The following CWH43 variants were observed in gnomAD, a reference collection of about 807,000 sequenced individuals.
CWH43 encodes the protein cell wall biogenesis 43 C-terminal homolog, also known as PGAP2-interacting protein.
A neutral mutation model predicts 85.7 loss-of-function variants in CWH43; 91 were observed. The observed-to-expected ratio is 1.06, with a 90% confidence interval of 0.90 to 1.26. The LOEUF (loss-of-function observed/expected upper bound fraction) is 1.26. Among genes scored for constraint, CWH43 ranks in the 50% most tolerant of loss-of-function variants. The probability of loss-of-function intolerance (pLI) is 0.00; values close to 1 mark genes in which losing one functional copy is unlikely to be tolerated. For synonymous variants in CWH43, 323 were observed against 293.6 expected (o/e 1.10, Z -1.02); for missense variants, 869 against 839.2 (o/e 1.04, Z -0.44).
chr4:48,988,602 A>G lies in CWH43; in HGVS notation c.169A>G (p.Ile57Val), dbSNP rs2109736480. The G allele has an allele frequency of 2.5e-6, 4 of 1,613,532 alleles. No homozygotes were observed. Among genetic ancestry groups the G allele is most frequent in the Non-Finnish European group, 3.4e-6 (4 of 1,179,584 alleles). ...ATTTCTTTCTCCAATATTCCTAACAATTACTCCTTTCTGGAAATTGGTTAA... is the reference window on the plus strand; with the variant it reads ...ATTTCTTTCTCCAATATTCCTAACAGTTACTCCTTTCTGGAAATTGGTTAA... ...IAFLSPIFLT[I>V]TPFWKLVNKK... Residue 57 changes from isoleucine to valine, a missense_variant, in exon 2 of 16, where the codon ATT becomes GTT. By Grantham distance (29) the Ile-to-Val change is conservative (BLOSUM62 3). Around this residue, in one of 3 missense-constraint regions of CWH43, gnomAD observed 140 missense variants for 122.6 expected, o/e 1.14. Coordinates refer to ENST00000226432, the MANE Select transcript of CWH43 (RefSeq NM_025087.3).
intron 13 of CWH43, among the ~76,000 whole-genome samples, chr4:49,042,939 TGGG>T (rs1784509602): frequency 1.3e-5 from 2 of 152,296 alleles, no homozygotes; most frequent in South Asian, 4.1e-4. Flanking sequence ...TGTTCTTGCC[TGGG>T]TTCTCCTATG....
chr4:49,046,247 T>G (rs1481679849), intron 14 of CWH43, among the ~76,000 whole-genome samples: 1 of 152,172 alleles, frequency 6.6e-6, no homozygotes, highest in Non-Finnish European at 1.5e-5. Flanking sequence ...AAATCAGTTT[T>G]GAAGGCAGTA....
At position 49,052,050 on chromosome 4, in the gene CWH43, A is replaced by G. The variant is rs542347538; in HGVS notation, c.2021+1201A>G. Among the ~76,000 whole-genome samples, 62 of 152,344 alleles carry G rather than the reference A, an allele frequency of 4.1e-4. No individual in the cohort carries two copies. In the South Asian group the frequency reaches 0.013, roughly 31 times the overall value. ...ATTTCTACCGCTTTTACCAGCTAAT[A>G]AACATTTCTCATTTTTTTGGGGGAA... On this transcript the variant is annotated intron_variant, in intron 15 of 15. Transcript: ENST00000226432.
At chr4:49,016,907 G>A in intron 8 of CWH43, 1 of 784,670 alleles carries the variant, frequency 1.3e-6, no homozygotes, top group Admixed American at 1.7e-5. Context: ...TGCAGTCTTT[G>A]ATTATGCCAG....
At chr4:48,991,817 T>C in intron 3 of CWH43, 119 bp from the exon 4 acceptor site, 1 of 963,570 alleles carries the variant, frequency 1.0e-6, no homozygotes, top group Non-Finnish European at 1.5e-6. Context: ...ATCACATTCA[T>C]TATTGCAAAT....
At chr4:49,015,881 T>C (rs1783527387) in intron 8 of CWH43, among the ~76,000 whole-genome samples, 1 of 152,206 alleles carries the variant, frequency 6.6e-6, no homozygotes, top group African/African-American at 2.4e-5. Flanking sequence ...GATTATTTAT[T>C]TTAGTCTCAT....
chr4:49,043,203 A>T (rs570836943), intron 13 of CWH43, among the ~76,000 whole-genome samples: 1 of 152,328 alleles, frequency 6.6e-6, no homozygotes, highest in East Asian at 1.9e-4. Flanking sequence ...GAAATAGAAG[A>T]TAACATCTGC....
At chr4:49,049,700 C>T (rs188348987) in intron 14 of CWH43, among the ~76,000 whole-genome samples, 55 of 152,256 alleles carry the variant, frequency 3.6e-4, no homozygotes, top group Admixed American at 3.3e-3. Flanking sequence ...ATTTGTGGTT[C>T]CCCTTCCCTA....
At chr4:49,057,028 T>C (rs184201508) in intron 15 of CWH43, among the ~76,000 whole-genome samples, 107 of 152,364 alleles carry the variant, frequency 7.0e-4, no homozygotes, top group Non-Finnish European at 1.4e-3. Flanking sequence ...GATTTCAGTA[T>C]TCTTGAATTT....
intron 15 of CWH43, among the ~76,000 whole-genome samples, chr4:49,052,003 G>T (rs914778549): frequency 6.6e-6 from 1 of 152,086 alleles, no homozygotes; most frequent in African/African-American, 2.4e-5. Flanking sequence ...AGAACATATC[G>T]TATACATTAT....
At chr4:49,054,371 T>A (rs896768137) in intron 15 of CWH43, among the ~76,000 whole-genome samples, 43 of 152,214 alleles carry the variant, frequency 2.8e-4, no homozygotes, top group Non-Finnish European at 6.2e-4. Flanking sequence ...TCTATATATC[T>A]GTTTTTATGC....
intron 14 of CWH43, 34 bp from the exon 15 acceptor site, chr4:49,050,660 A>C (rs1339684078): frequency 6.4e-7 from 1 of 1,572,726 alleles, no homozygotes; most frequent in Non-Finnish European, 8.7e-7. Context: ...TACAATAATA[A>C]AACTGTTACA....
intron 14 of CWH43, among the ~76,000 whole-genome samples, chr4:49,047,958 T>C (rs1286509636): frequency 2.6e-5 from 4 of 152,170 alleles, no homozygotes; most frequent in Non-Finnish European, 1.5e-5. Context: ...GTGGAACAGA[T>C]AGCTTGACTA....
chr4:49,008,827 G>C (rs1783253050), intron 8 of CWH43, among the ~76,000 whole-genome samples: 1 of 152,116 alleles, frequency 6.6e-6, no homozygotes, highest in African/African-American at 2.4e-5. Flanking sequence ...CTGTTCAATT[G>C]GTCTATATAT....
chr4:49,019,578 G>GT (rs909028417), intron 9 of CWH43, among the ~76,000 whole-genome samples: 120 of 148,328 alleles, frequency 8.1e-4, no homozygotes, highest in East Asian at 3.0e-3. Flanking sequence ...AATGTCAATA[G>GT]TTTTTTTTTT....
chr4:49,048,016 G>A (rs1242212061), intron 14 of CWH43, among the ~76,000 whole-genome samples: 1 of 152,154 alleles, frequency 6.6e-6, no homozygotes, highest in African/African-American at 2.4e-5. Context: ...GGTGCTGAAG[G>A]GTGAGTTTTG....
chr4:49,058,689 A>T (rs753357913), intron 15 of CWH43, among the ~76,000 whole-genome samples: 6 of 152,176 alleles, frequency 3.9e-5, no homozygotes, highest in Non-Finnish European at 7.4e-5. Context: ...TCTCTTTGGG[A>T]AAGTCCTTAC....
At chr4:49,061,707 A>G (rs1785162975) in intron 15 of CWH43, 105 bp from the exon 16 acceptor site, 1 of 994,068 alleles carries the variant, frequency 1.0e-6, no homozygotes, top group East Asian at 4.1e-5. Context: ...TTTTTTATTT[A>G]TTCATTTGCT....
intron 9 of CWH43, among the ~76,000 whole-genome samples, chr4:49,025,820 T>C (rs1783898772): frequency 6.6e-6 from 1 of 152,196 alleles, no homozygotes; most frequent in Admixed American, 6.5e-5. Flanking sequence ...GCTGGTTTTG[T>C]TGGCCTCCAG....
Sources: gnomAD v4.1 joint callset for allele counts (sites outside exome capture counted in the v4.1 genomes callset) on GRCh38, gnomAD v4.1.1 for gene constraint, gnomAD v4.1.1 regional missense constraint, MANE v1.5 for transcripts, NCBI Gene and HGNC (gene_info 2026-07-23, HGNC 2026-07-21) for gene names.